PCCA: variants seen among roughly 807,000 people sequenced by gnomAD.
The protein encoded by PCCA is propionyl-CoA carboxylase alpha chain, mitochondrial.
In PCCA, 74 loss-of-function variants were observed where a neutral mutation model predicts 101.3. The observed-to-expected ratio is 0.73, with a 90% confidence interval of 0.61 to 0.89. The LOEUF is 0.89. Ranked by LOEUF, PCCA falls within the 40% of genes least tolerant of loss-of-function variation. The probability of loss-of-function intolerance (pLI) is 0.00; values close to 1 mark genes in which losing one functional copy is unlikely to be tolerated. For missense variants in PCCA, 891 were observed against 907.0 expected, an observed-to-expected ratio of 0.98 and a Z score of 0.23; for synonymous variants, 294 against 313.6, an observed-to-expected ratio of 0.94 and a Z score of 0.66.
chr13:100,383,970 T>C (rs2076365387), intron 19 of PCCA, among the ~76,000 whole-genome samples: 1 of 152,158 alleles, frequency 6.6e-6, no homozygotes, highest in African/African-American at 2.4e-5. Flanking sequence ...ATTTCTTGAC[T>C]AAGAAAACAT....
intron 11 of PCCA, among the ~76,000 whole-genome samples, chr13:100,270,529 C>G (rs1364517781): frequency 6.6e-6 from 1 of 152,088 alleles, no homozygotes; most frequent in Non-Finnish European, 1.5e-5. Flanking sequence ...TTTGTTTTTT[C>G]TCTTTGTCTA....
At chr13:100,508,701 T>C (rs1016158625) in intron 21 of PCCA, among the ~76,000 whole-genome samples, 6 of 152,346 alleles carry the variant, frequency 3.9e-5, no homozygotes, top group Middle Eastern at 3.4e-3. Context: ...GGCTGCAGGC[T>C]GTAAGGCTCT....
At chr13:100,498,254 T>C (rs2085420681) in intron 21 of PCCA, among the ~76,000 whole-genome samples, 1 of 149,876 alleles carries the variant, frequency 6.7e-6, no homozygotes, top group Non-Finnish European at 1.5e-5. Context: ...AAAAAAAAAT[T>C]ACCGATTTTT....
chr13:100,181,620 G>A (rs1375050688), intron 6 of PCCA, among the ~76,000 whole-genome samples: 1 of 151,718 alleles, frequency 6.6e-6, no homozygotes, highest in African/African-American at 2.4e-5. Flanking sequence ...ATGTGGTCTC[G>A]CCATGTTACT....
chr13:100,234,698 C>T (rs1446443221), intron 7 of PCCA, among the ~76,000 whole-genome samples: 2 of 151,268 alleles, frequency 1.3e-5, no homozygotes, highest in African/African-American at 4.9e-5. Flanking sequence ...ACATCCCCCC[C>T]CGCCCCCTTC....
intron 4 of PCCA, chr13:100,149,125 T>C (rs2052964741): frequency 6.7e-6 from 1 of 149,418 alleles, no homozygotes; most frequent in Non-Finnish European, 1.5e-5. Flanking sequence ...GTTCTATTCT[T>C]TTTTTTTTTA....
At chr13:100,129,375 TACTC>T (rs1374242972) in intron 4 of PCCA, among the ~76,000 whole-genome samples, 9 of 152,232 alleles carry the variant, frequency 5.9e-5, no homozygotes, top group Non-Finnish European at 1.0e-4. Context: ...AATGCTTTCT[TACTC>T]TGTTTTGGAA....
At chr13:100,503,451 T>C (rs2085834132) in intron 21 of PCCA, among the ~76,000 whole-genome samples, 1 of 152,014 alleles carries the variant, frequency 6.6e-6, no homozygotes, top group Admixed American at 6.6e-5. Flanking sequence ...GGTTGCGCCA[T>C]TGCACTCCAG....
At chr13:100,133,090 A>G (rs1423308044) in intron 4 of PCCA, among the ~76,000 whole-genome samples, 3 of 151,656 alleles carry the variant, frequency 2.0e-5, no homozygotes, top group Non-Finnish European at 4.4e-5. Flanking sequence ...CATTTTAACC[A>G]CTCTAATATG....
chr13:100,127,502 G>A (rs750209116), intron 4 of PCCA, among the ~76,000 whole-genome samples: 2 of 152,166 alleles, frequency 1.3e-5, no homozygotes, highest in Admixed American at 6.5e-5. Flanking sequence ...AGTACCTGCT[G>A]TTATGAAAAA....
intron 4 of PCCA, among the ~76,000 whole-genome samples, chr13:100,126,733 C>G (rs986983272): frequency 6.6e-6 from 1 of 152,098 alleles, no homozygotes; most frequent in Non-Finnish European, 1.5e-5. Flanking sequence ...AGCATAAATC[C>G]ATGAGCAAAC....
intron 18 of PCCA, among the ~76,000 whole-genome samples, chr13:100,354,239 A>G (rs948709066): frequency 1.3e-4 from 19 of 150,658 alleles, no homozygotes; most frequent in African/African-American, 4.6e-4. Flanking sequence ...AGATCATGCC[A>G]CTGCACTCCA....
At chr13:100,147,692 G>A (rs925953706) in intron 4 of PCCA, among the ~76,000 whole-genome samples, 3 of 152,122 alleles carry the variant, frequency 2.0e-5, no homozygotes, top group Non-Finnish European at 2.9e-5. Context: ...AAGATTGCAA[G>A]CTAGAGCTGA....
intron 19 of PCCA, among the ~76,000 whole-genome samples, chr13:100,388,638 A>G (rs1037821902): frequency 3.9e-5 from 6 of 152,162 alleles, no homozygotes; most frequent in African/African-American, 1.4e-4. Context: ...TCTACTAAAG[A>G]TGCAAAAATT....
intron 19 of PCCA, among the ~76,000 whole-genome samples, chr13:100,379,400 G>A (rs1275633529): frequency 6.6e-6 from 1 of 152,122 alleles, no homozygotes; most frequent in African/African-American, 2.4e-5. Context: ...GTCCAGGTGA[G>A]TAAATTTAAC....
At chr13:100,457,215 A>T in intron 21 of PCCA, among the ~76,000 whole-genome samples, 2 of 152,270 alleles carry the variant, frequency 1.3e-5, no homozygotes, top group East Asian at 3.9e-4. Flanking sequence ...TCTAATTTGT[A>T]TTATGACTAT....
intron 21 of PCCA, 125 bp downstream of exon 21, chr13:100,449,430 C>T (rs1242371744): frequency 1.6e-6 from 1 of 609,032 alleles, no homozygotes; most frequent in Non-Finnish European, 2.9e-6. Flanking sequence ...ACTTTTTTGC[C>T]TTTACAAATG....
At chr13:100,276,616 A>G (rs143252302) in intron 12 of PCCA, among the ~76,000 whole-genome samples, 38 of 152,082 alleles carry the variant, frequency 2.5e-4, no homozygotes, top group African/African-American at 8.0e-4. Flanking sequence ...GATATTTTTC[A>G]TCTTTTTTGG....
Position 100,174,596 on chromosome 13 carries a change from C to T in PCCA, c.468+17256C>T, listed in dbSNP as rs180960582. ...CACAAAAATTAGCCAGGCATGGTGG[C>T]GCATGCCTGTAGTCTTAGCTACTCA... On this transcript the variant is annotated intron_variant, in intron 6 of 23. Coordinates refer to ENST00000376285, the MANE Select transcript of PCCA (RefSeq NM_000282.4). 7.7e-3 allele frequency among the ~76,000 whole-genome samples: 1,160 copies of T among 150,418 alleles called. 15 individuals are homozygous for T. The highest frequency in any genetic ancestry group is 0.027 in the African/African-American group (1,086 of 40,804).
Sources: allele counts gnomAD v4.1 joint callset (sites outside exome capture counted in the v4.1 genomes callset), GRCh38; gene constraint gnomAD v4.1.1; transcripts MANE v1.5; gene names NCBI Gene and HGNC (gene_info 2026-07-23, HGNC 2026-07-21).